Variants in DNAJC15 observed in about 807,000 individuals in gnomAD.
The protein encoded by DNAJC15 is dnaJ homolog subfamily C member 15.
A neutral mutation model predicts 22.4 loss-of-function variants in DNAJC15; 27 were observed. The ratio of observed to expected loss-of-function variants is 1.20; its 90% CI spans 0.89 to 1.66. DNAJC15 has a LOEUF of 1.66. Ranked by LOEUF, DNAJC15 falls within the 40% of genes most tolerant of loss-of-function variation. The pLI, the probability that DNAJC15 is intolerant of heterozygous loss-of-function variation, is 0.00. For missense variants in DNAJC15, 208 were observed against 187.1 expected, an observed-to-expected ratio of 1.11 and a Z score of -0.65; for synonymous variants, 79 against 63.2, an observed-to-expected ratio of 1.25 and a Z score of -1.19.
intron 4 of DNAJC15, among the ~76,000 whole-genome samples, chr13:43,082,857 T>TACAC (rs1555276541): frequency 1.3e-5 from 2 of 149,484 alleles, no homozygotes; most frequent in East Asian, 2.0e-4. Flanking sequence ...TATATATATA[T>TACAC]ATACACACAT....
intron 1 of DNAJC15, among the ~76,000 whole-genome samples, chr13:43,029,437 T>A (rs2040394940): frequency 6.6e-6 from 1 of 152,176 alleles, no homozygotes; most frequent in African/African-American, 2.4e-5. Flanking sequence ...TTTATAACAC[T>A]TTCAGGCAAC....
chr13:43,064,886 C>T (rs1045281025), intron 1 of DNAJC15, among the ~76,000 whole-genome samples: 3 of 150,946 alleles, frequency 2.0e-5, no homozygotes, highest in South Asian at 2.1e-4. Flanking sequence ...TACGTGCCAA[C>T]GCTTAGTTAG....
intron 3 of DNAJC15, among the ~76,000 whole-genome samples, chr13:43,075,105 T>A (rs547427458): frequency 6.6e-6 from 1 of 152,342 alleles, no homozygotes; most frequent in East Asian, 1.9e-4. Flanking sequence ...GTTTTCTCTT[T>A]GTATACTTTT....
chr13:43,023,598 G>T lies in DNAJC15; in HGVS notation c.-29G>T, dbSNP rs759486557. 6.3e-7 allele frequency: 1 copy of T among 1,592,672 alleles called. No individual in the cohort carries two copies. The highest frequency in any genetic ancestry group is 8.6e-7 in the Non-Finnish European group (1 of 1,168,488). On this transcript the variant is annotated 5_prime_UTR_variant, in exon 1 of 6. Coordinates refer to ENST00000379221, the MANE Select transcript of DNAJC15 (RefSeq NM_013238.3). ...ACGGCCGCCTCGTAGTCACTGCCGC[G>T]GCGCCTTGAGTCTCCGGGCCGCCTT...
chr13:43,026,527 A>G (rs2040381558), intron 1 of DNAJC15, among the ~76,000 whole-genome samples: 1 of 152,226 alleles, frequency 6.6e-6, no homozygotes, highest in Non-Finnish European at 1.5e-5. Flanking sequence ...ATAATGAGGC[A>G]GAAGATTGTT....
Position 43,024,337 on chromosome 13 carries a change from G to GTTTTTTTT in DNAJC15, c.108+620_108+627dup, listed in dbSNP as rs376910976. ...TTGTGAGCCACATACGTATTTTTACGTTTTTTTTTTTTTTTTTTTTTTTTG... is the reference window on the plus strand; with the variant it reads ...TTGTGAGCCACATACGTATTTTTACGTTTTTTTTTTTTTTTTTTTTTTTTTTTTTTTTG... On this transcript the variant is annotated intron_variant, in intron 1 of 5. Coordinates refer to ENST00000379221, the MANE Select transcript of DNAJC15 (RefSeq NM_013238.3). Among the ~76,000 whole-genome samples, 81 of 93,380 alleles carry GTTTTTTTT rather than the reference G, an allele frequency of 8.7e-4. 5 individuals carry two copies. The highest frequency in any genetic ancestry group is 1.0e-3 in the Non-Finnish European group (52 of 51,474). 61.3% of individuals were successfully genotyped at this position (93,380 alleles called of 152,430 possible).
chr13:43,038,724 A>C (rs145869965), intron 1 of DNAJC15, among the ~76,000 whole-genome samples: 2,004 of 151,466 alleles, frequency 0.013, 40 homozygotes, highest in African/African-American at 0.045. Flanking sequence ...CCCGGGAGGC[A>C]GAGCTTGCAG....
intron 5 of DNAJC15, among the ~76,000 whole-genome samples, chr13:43,106,067 A>G (rs558271245): frequency 1.3e-4 from 20 of 152,194 alleles, no homozygotes; most frequent in African/African-American, 4.1e-4. Context: ...TTGTTGATCT[A>G]TTTTCTTTGC....
intron 4 of DNAJC15, among the ~76,000 whole-genome samples, chr13:43,082,912 G>A (rs1035115099): frequency 2.6e-5 from 4 of 151,160 alleles, no homozygotes; most frequent in East Asian, 1.9e-4. Context: ...GTGTGTGTGT[G>A]TATATATATA....
intron 5 of DNAJC15, among the ~76,000 whole-genome samples, chr13:43,096,873 A>C (rs1439950800): frequency 1.3e-5 from 2 of 152,212 alleles, no homozygotes; most frequent in African/African-American, 4.8e-5. Context: ...GAGTCCACCA[A>C]GTGAAGAAGA....
intron 1 of DNAJC15, among the ~76,000 whole-genome samples, chr13:43,033,752 G>A (rs915362474): frequency 2.6e-4 from 39 of 152,172 alleles, no homozygotes; most frequent in African/African-American, 9.2e-4. Flanking sequence ...TGCCAGGCTG[G>A]GTGCAGTGGC....
At chr13:43,055,671 G>A (rs2040527219) in intron 1 of DNAJC15, among the ~76,000 whole-genome samples, 1 of 152,122 alleles carries the variant, frequency 6.6e-6, no homozygotes, top group Non-Finnish European at 1.5e-5. Flanking sequence ...TCTTTTCAAA[G>A]AACTGAACCA....
In DNAJC15 at chr13:43,111,921, T is replaced by C. The variant is rs549208421; in HGVS notation, c.*4673T>C. The stretch of plus-strand genomic sequence containing the variant: ...TTATGAGTCAAAATTTTATTTATGG[T>C]GGCATTACACACATTAAGAGATGAG... On this transcript the variant is annotated 3_prime_UTR_variant, in exon 6 of 6. Coordinates refer to ENST00000379221, the MANE Select transcript of DNAJC15 (RefSeq NM_013238.3). 2.0e-5 allele frequency: 3 copies of C among 152,346 alleles called. No individual in the cohort carries two copies. The South Asian group carries it at 6.2e-4, about 32-fold the overall frequency. The allele number at this position is 152,346 out of a possible 1,614,324, so 9.4% of individuals were successfully genotyped here.
At chr13:43,034,534 C>T (rs545899196) in intron 1 of DNAJC15, among the ~76,000 whole-genome samples, 1 of 151,898 alleles carries the variant, frequency 6.6e-6, no homozygotes, top group East Asian at 1.9e-4. Context: ...CCAGGATGGT[C>T]TTGTTCTCCT....
chr13:43,024,347 T>TTTG (rs1566197216), intron 1 of DNAJC15, among the ~76,000 whole-genome samples: 1 of 140,398 alleles, frequency 7.1e-6, no homozygotes, highest in Non-Finnish European at 1.6e-5. Flanking sequence ...GTTTTTTTTT[T>TTTG]TTTTTTTTTT....
chr13:43,051,134 C>T (rs564858495), intron 1 of DNAJC15, among the ~76,000 whole-genome samples: 6 of 152,172 alleles, frequency 3.9e-5, no homozygotes, highest in Non-Finnish European at 8.8e-5. Flanking sequence ...GCCACCACAC[C>T]CAGCTAATTT....
rs114594936 is a variant in DNAJC15 at position 43,095,886 on chromosome 13, G to A, written c.382+10048G>A. Among the ~76,000 whole-genome samples, 976 of 152,212 alleles carry A rather than the reference G, an allele frequency of 6.4e-3. 4 individuals carry two copies. The highest frequency in any genetic ancestry group is 0.022 in the African/African-American group (913 of 41,532). On this transcript the variant is annotated intron_variant, in intron 5 of 5. Coordinates refer to ENST00000379221, the MANE Select transcript of DNAJC15 (RefSeq NM_013238.3). ...GCAGGGCTAAGGAATGAAAAGATGC[G>A]GAAGTTGAGTTAGCTTATATACACA... is the stretch of plus-strand genomic sequence containing the variant.
intron 1 of DNAJC15, 141 bp downstream of exon 1, chr13:43,023,875 G>A (rs2040365250): frequency 1.3e-6 from 1 of 788,892 alleles, no homozygotes; most frequent in Non-Finnish European, 2.0e-6. Context: ...TTGTTCAGTG[G>A]AGAGACCGCT....
chr13:43,068,554 A>T (rs1389272885), intron 2 of DNAJC15, among the ~76,000 whole-genome samples: 2 of 152,122 alleles, frequency 1.3e-5, no homozygotes, highest in African/African-American at 4.8e-5. Flanking sequence ...TAACCATTTT[A>T]GTATTATAAG....
Sources: gnomAD v4.1 joint callset for allele counts (sites outside exome capture counted in the v4.1 genomes callset) on GRCh38, gnomAD v4.1.1 for gene constraint, MANE v1.5 for transcripts, NCBI Gene and HGNC (gene_info 2026-07-23, HGNC 2026-07-21) for gene names.